NALF1: variants seen among roughly 807,000 people sequenced by gnomAD.
NALF1 encodes family with sequence similarity 155 member A.
Under a neutral mutation model 48.4 loss-of-function variants are expected in NALF1, and 3 were observed. The observed-to-expected ratio is 0.06, with a 90% CI of 0.03 to 0.16. NALF1 has a LOEUF of 0.16. Among genes scored for constraint, NALF1 ranks in the 10% least tolerant of loss-of-function variants. The pLI is 1.00. For synonymous variants in NALF1, 262 were observed against 245.7 expected (o/e 1.07, Z -0.62); for missense variants, 526 against 571.5 (o/e 0.92, Z 0.81).
intron 1 of NALF1, among the ~76,000 whole-genome samples, chr13:107,749,051 C>A (rs979782396): frequency 1.3e-5 from 2 of 151,652 alleles, no homozygotes; most frequent in African/African-American, 4.9e-5. Context: ...GAATGCTATT[C>A]CTGAAAGATG....
chr13:107,714,325 T>C (rs1310583453), intron 1 of NALF1, among the ~76,000 whole-genome samples: 1 of 152,098 alleles, frequency 6.6e-6, no homozygotes, highest in East Asian at 1.9e-4. Flanking sequence ...CTTCACACCA[T>C]GAGACTTGAC....
At chr13:107,405,748 T>C (rs891541280) in intron 1 of NALF1, among the ~76,000 whole-genome samples, 7 of 151,988 alleles carry the variant, frequency 4.6e-5, no homozygotes, top group Admixed American at 4.6e-4. Context: ...GAGAGGACCA[T>C]AAAGCACTAG....
chr13:107,611,405 C>T (rs527678865), intron 1 of NALF1, among the ~76,000 whole-genome samples: 297 of 152,266 alleles, frequency 2.0e-3, no homozygotes, highest in Non-Finnish European at 3.7e-3. Context: ...TTCATATTCA[C>T]GATAGCCAAA....
rs933910043 is a variant in NALF1, at chr13:107,168,525, G to T, written c.*1972C>A. ...TTTTAAAAAAGGAACAAAAACGGGA[G>T]AATTTTGCATTTTTGGTGTTTTCTT... On this transcript the variant is annotated 3_prime_UTR_variant, in exon 3 of 3. Coordinates refer to ENST00000375915, the MANE Select transcript of NALF1 (RefSeq NM_001080396.3). 2.6e-5 allele frequency: 4 copies of T among 151,330 alleles called. No homozygotes were observed. The highest frequency in any genetic ancestry group is 4.9e-5 in the African/African-American group (2 of 40,668). The allele number at this position is 151,330 out of a possible 1,614,324, so 9.4% of individuals were successfully genotyped here. A position where few individuals can be genotyped will look rare whatever the true frequency, so the allele number is the denominator to read the frequency against.
At position 107,561,164 on chromosome 13, in the gene NALF1, A is replaced by C. The variant is rs76910056; in HGVS notation, c.915+304518T>G. Among the ~76,000 whole-genome samples the C allele has an allele frequency of 4.9e-3, 744 of 152,328 alleles. 4 individuals carry two copies. Among genetic ancestry groups the C allele is most frequent in the Non-Finnish European group, 7.5e-3 (510 of 68,026 alleles). On this transcript the variant is annotated intron_variant, in intron 1 of 2. Coordinates refer to ENST00000375915, the MANE Select transcript of NALF1 (RefSeq NM_001080396.3). ...AGTTATCAAAGTCAGTAGATGTAAC[A>C]GTCACATGATATTTTCATCTAAGAA...
At chr13:107,676,781 G>A (rs1001554810) in intron 1 of NALF1, among the ~76,000 whole-genome samples, 1 of 151,808 alleles carries the variant, frequency 6.6e-6, no homozygotes, top group Non-Finnish European at 1.5e-5. Context: ...TTTAAAGCTG[G>A]TATAAAATAG....
intron 1 of NALF1, among the ~76,000 whole-genome samples, chr13:107,325,887 T>TATATATATATATATATATATAC (rs752320518): frequency 1.7e-5 from 1 of 58,878 alleles, no homozygotes; most frequent in Non-Finnish European, 3.5e-5. Context: ...TATATATATA[T>TATATATATATATATATATATAC]ACACACACAC....
intron 1 of NALF1, among the ~76,000 whole-genome samples, chr13:107,664,501 G>C (rs1418067899): frequency 6.6e-6 from 1 of 152,078 alleles, no homozygotes; most frequent in African/African-American, 2.4e-5. Flanking sequence ...CAAAGGAAAA[G>C]CCAACACCTA....
intron 1 of NALF1, among the ~76,000 whole-genome samples, chr13:107,307,896 A>C (rs1038070984): frequency 6.6e-6 from 1 of 152,342 alleles, no homozygotes; most frequent in African/African-American, 2.4e-5. Flanking sequence ...CAAATATTGT[A>C]AGTGGATATA....
chr13:107,559,210 T>C (rs1877569984), intron 1 of NALF1, among the ~76,000 whole-genome samples: 2 of 151,604 alleles, frequency 1.3e-5, no homozygotes, highest in Admixed American at 1.3e-4. Flanking sequence ...AAAGAAGGGG[T>C]AGTAGAGAAA....
At chr13:107,600,857 A>G (rs1177542402) in intron 1 of NALF1, among the ~76,000 whole-genome samples, 2 of 152,200 alleles carry the variant, frequency 1.3e-5, no homozygotes, top group African/African-American at 4.8e-5. Flanking sequence ...AGAAAATTAC[A>G]TGACTGCAGG....
chr13:107,293,470 T>G (rs894062289), intron 1 of NALF1, among the ~76,000 whole-genome samples: 2 of 152,158 alleles, frequency 1.3e-5, no homozygotes, highest in Non-Finnish European at 2.9e-5. Context: ...AACTTTCCTG[T>G]GAATCTCTAG....
At chr13:107,574,710 A>G (rs1021376869) in intron 1 of NALF1, among the ~76,000 whole-genome samples, 1 of 152,184 alleles carries the variant, frequency 6.6e-6, no homozygotes, top group African/African-American at 2.4e-5. Flanking sequence ...GGGTCCTATT[A>G]TTCTGCAGAC....
intron 1 of NALF1, among the ~76,000 whole-genome samples, chr13:107,809,764 T>G (rs577212548): frequency 6.6e-6 from 1 of 152,106 alleles, no homozygotes; most frequent in Non-Finnish European, 1.5e-5. Flanking sequence ...TTCACTATAG[T>G]CCACCCATAC....
At chr13:107,817,806 T>C (rs1329597902) in intron 1 of NALF1, among the ~76,000 whole-genome samples, 2 of 151,940 alleles carry the variant, frequency 1.3e-5, no homozygotes, top group African/African-American at 4.8e-5. Flanking sequence ...TCTTTGTGAG[T>C]CCTAAACCTC....
chr13:107,575,287 A>T (rs1031417895), intron 1 of NALF1, among the ~76,000 whole-genome samples: 8 of 152,222 alleles, frequency 5.3e-5, no homozygotes, highest in African/African-American at 1.9e-4. Context: ...CTTCAAGTCC[A>T]TTTGGTAGGA....
chr13:107,591,212 A>G (rs920737181), intron 1 of NALF1, among the ~76,000 whole-genome samples: 1 of 152,036 alleles, frequency 6.6e-6, no homozygotes, highest in Non-Finnish European at 1.5e-5. Flanking sequence ...AATGGAAATG[A>G]GTATAAGATC....
intron 1 of NALF1, among the ~76,000 whole-genome samples, chr13:107,777,774 T>A (rs1246865123): frequency 2.0e-5 from 3 of 152,162 alleles, no homozygotes; most frequent in African/African-American, 4.8e-5. Flanking sequence ...TCAATGCCTT[T>A]AAGAACAGAA....
At chr13:107,730,409 C>CA (rs1272844912) in intron 1 of NALF1, among the ~76,000 whole-genome samples, 1 of 152,168 alleles carries the variant, frequency 6.6e-6, no homozygotes, top group African/African-American at 2.4e-5. Context: ...TGGTGACTGA[C>CA]ATGAGTGGCT....
Sources: gnomAD v4.1 joint callset for allele counts (sites outside exome capture counted in the v4.1 genomes callset) on GRCh38, gnomAD v4.1.1 for gene constraint, MANE v1.5 for transcripts, NCBI Gene and HGNC (gene_info 2026-07-23, HGNC 2026-07-21) for gene names.